The following DMXL2 variants were observed in gnomAD, a reference collection of about 807,000 sequenced individuals.
DMXL2 encodes Dmx like 2.
Under a neutral mutation model 331.1 loss-of-function variants are expected in DMXL2, and 103 were observed. That is an observed-to-expected ratio of 0.31 (90% CI 0.27 to 0.37). The LOEUF (loss-of-function observed/expected upper bound fraction) is 0.37. DMXL2 is among the 10% of genes least tolerant of loss of function. The probability of loss-of-function intolerance (pLI) is 1.00; values close to 1 mark genes in which losing one functional copy is unlikely to be tolerated. For missense variants in DMXL2, 3,171 were observed against 3,642.9 expected (o/e 0.87, Z 3.33); for synonymous variants, 1,281 against 1,252.1 (o/e 1.02, Z -0.49).
At chr15:51,599,092 A>C (rs925237895) in intron 1 of DMXL2, among the ~76,000 whole-genome samples, 7 of 152,200 alleles carry the variant, frequency 4.6e-5, no homozygotes, top group African/African-American at 1.7e-4. Context: ...ATAATCCACT[A>C]TCATTTATTT....
chr15:51,596,939 G>C (rs1427823831), intron 1 of DMXL2, among the ~76,000 whole-genome samples: 1 of 152,102 alleles, frequency 6.6e-6, no homozygotes, highest in South Asian at 2.1e-4. Flanking sequence ...GAGGAGGGGG[G>C]TGGGATAGCA....
intron 22 of DMXL2, among the ~76,000 whole-genome samples, chr15:51,487,455 AATTTTTCTTTTTTT>A (rs879394999): frequency 0.011 from 1,707 of 151,960 alleles, 27 homozygotes; most frequent in East Asian, 0.024. Flanking sequence ...CCATATATGA[AATTTTTCTTTTTTT>A]CTTTTTGAGA....
At chr15:51,514,314 C>A in intron 15 of DMXL2, 128 bp downstream of exon 15, 1 of 582,510 alleles carries the variant, frequency 1.7e-6, no homozygotes, top group Non-Finnish European at 2.9e-6. Context: ...GCAATTTTGA[C>A]AGAACTAACT....
In DMXL2 at chr15:51,542,321, T is replaced by A; in HGVS notation, c.1105+12A>T. 6.2e-7 allele frequency: 1 copy of A among 1,608,512 alleles called. No individual in the cohort carries two copies. Among genetic ancestry groups the A allele is most frequent in the South Asian group, 1.1e-5 (1 of 90,422 alleles). On this transcript the variant is annotated intron_variant, in intron 9 of 43. Coordinates refer to ENST00000560891, the MANE Select transcript of DMXL2 (RefSeq NM_001378457.1). The stretch of plus-strand genomic sequence containing the variant: ...TCAACATATTTATGGGAAATAAAAC[T>A]TTATCCTTTACCTGTGGCAGGGTTG...
In DMXL2 at chr15:51,481,518, G is replaced by A; in HGVS notation, c.5588C>T (p.Ala1863Val). ...CTTCTCAGTTTTGAGACCTAAGGTT[G>A]CCAAAGTTCCTTCAGGGGAGGCAAG... is the stretch of plus-strand genomic sequence containing the variant. ...RNLASPEGTL[A>V]TLGLKTEKNF... Residue 1863 changes from alanine (A) to valine (V), a missense_variant, in exon 24 of 44, where the codon GCA (alanine) becomes GTA (valine). Transcript: ENST00000560891. 2 of 1,613,428 alleles carry A rather than the reference G, an allele frequency of 1.2e-6. No individual in the cohort carries two copies. The highest frequency in any genetic ancestry group is 1.7e-6 in the Non-Finnish European group (2 of 1,179,806).
intron 13 of DMXL2, among the ~76,000 whole-genome samples, chr15:51,525,155 G>A (rs1422594143): frequency 1.3e-5 from 2 of 151,858 alleles, no homozygotes; most frequent in Non-Finnish European, 2.9e-5. Context: ...GGCCAGAAAG[G>A]AATCCACTGC....
intron 1 of DMXL2, among the ~76,000 whole-genome samples, chr15:51,610,717 G>T (rs533320904): frequency 2.6e-5 from 4 of 151,086 alleles, no homozygotes; most frequent in Admixed American, 2.6e-4. Context: ...GCAGTGAGCC[G>T]AGATCGCGCC....
chr15:51,494,921 T>C, intron 19 of DMXL2, 103 bp downstream of exon 19: 7 of 686,450 alleles, frequency 1.0e-5, no homozygotes, highest in Non-Finnish European at 1.8e-5. Flanking sequence ...GTGATAGGTG[T>C]GCACGTAATG....
intron 1 of DMXL2, among the ~76,000 whole-genome samples, chr15:51,620,164 T>G (rs1418481310): frequency 6.6e-6 from 1 of 152,138 alleles, no homozygotes; most frequent in Non-Finnish European, 1.5e-5. Context: ...GCAGCTTGTT[T>G]TTTGTTTTGT....
At chr15:51,501,217 G>A (rs1362517126) in intron 17 of DMXL2, among the ~76,000 whole-genome samples, 2 of 152,110 alleles carry the variant, frequency 1.3e-5, no homozygotes, top group African/African-American at 2.4e-5. Flanking sequence ...CTGTCTTACG[G>A]ATGAATAAGA....
intron 33 of DMXL2, chr15:51,459,915 T>C (rs1336871837): frequency 1.5e-5 from 17 of 1,126,284 alleles, no homozygotes; most frequent in Non-Finnish European, 1.9e-5. Flanking sequence ...AAATTAGTTA[T>C]CTGTATACAG....
rs186815238 is a variant in DMXL2, at chr15:51,453,850, T to G, written c.8605-209A>C. On this transcript the variant is annotated intron_variant, in intron 40 of 43. Coordinates refer to ENST00000560891, the MANE Select transcript of DMXL2 (RefSeq NM_001378457.1). ...CTACTGTCCAATAATTTTTAATAAC[T>G]GGAGTTGGTAAAAACAGAATTAAAG... Among the ~76,000 whole-genome samples, 270 of 152,344 alleles carry G rather than the reference T, an allele frequency of 1.8e-3. 1 individual carries two copies. Among genetic ancestry groups the G allele is most frequent in the South Asian group, 4.1e-3 (20 of 4,832 alleles).
intron 23 of DMXL2, among the ~76,000 whole-genome samples, chr15:51,482,409 C>T (rs1225003669): frequency 6.6e-6 from 1 of 152,046 alleles, no homozygotes; most frequent in African/African-American, 2.4e-5. Context: ...TTATAAGACA[C>T]AAACTTAACA....
intron 1 of DMXL2, among the ~76,000 whole-genome samples, chr15:51,581,598 T>A (rs1217677011): frequency 6.6e-6 from 1 of 152,240 alleles, no homozygotes. Context: ...TTGTCTTAAC[T>A]ACATTATTTT....
intron 4 of DMXL2, 122 bp downstream of exon 4, chr15:51,564,966 T>G (rs533667325): frequency 1.7e-6 from 1 of 589,330 alleles, no homozygotes; most frequent in East Asian, 3.5e-5. Context: ...ATTATATTCA[T>G]CAACAAAAAG....
chr15:51,574,078 C>T (rs1354506194), intron 2 of DMXL2, among the ~76,000 whole-genome samples: 1 of 151,936 alleles, frequency 6.6e-6, no homozygotes, highest in East Asian at 1.9e-4. Flanking sequence ...CCAATTGGGA[C>T]ACCATCTAGA....
intron 1 of DMXL2, among the ~76,000 whole-genome samples, chr15:51,607,555 A>C (rs2053675912): frequency 6.6e-6 from 1 of 152,218 alleles, no homozygotes; most frequent in Admixed American, 6.5e-5. Flanking sequence ...TTGTTTTATA[A>C]GGTCAATCAG....
chr15:51,580,256 T>C (rs528765079), intron 1 of DMXL2, among the ~76,000 whole-genome samples: 3 of 152,314 alleles, frequency 2.0e-5, no homozygotes, highest in Admixed American at 6.5e-5. Flanking sequence ...GAAGAATTTA[T>C]AGTGCAGGAG....
In DMXL2 at chr15:51,499,080, C is replaced by T. The variant is rs200306715; in HGVS notation, c.4144G>A (p.Val1382Ile). 12 of 1,614,012 alleles carry T rather than the reference C, an allele frequency of 7.4e-6. No homozygotes were observed. Among genetic ancestry groups the T allele is most frequent in the Middle Eastern group, 1.6e-4 (1 of 6,062 alleles). ...CCTTCTCCAGCATCAGGATCTCTAA[C>T]TATTGCTACTTCACCTGCAATACAT... ...VKCIAGEVAIVRDPDAGEGTK... is the reference protein window; with the variant it reads ...VKCIAGEVAIIRDPDAGEGTK... The change falls in exon 18 of 44, where the codon GTT becomes ATT. Residue 1382 changes from valine (V) to isoleucine (I), a missense_variant. Physicochemically the swap from Val to Ile is conservative, Grantham distance 29. This residue lies in a region of DMXL2 where 1,674 missense variants were observed against 1,780.2 expected (regional missense o/e 0.94). Coordinates refer to ENST00000560891, the MANE Select transcript of DMXL2 (RefSeq NM_001378457.1).
Sources: gnomAD v4.1 joint callset for allele counts (sites outside exome capture counted in the v4.1 genomes callset) on GRCh38, gnomAD v4.1.1 for gene constraint, gnomAD v4.1.1 regional missense constraint, MANE v1.5 for transcripts, NCBI Gene and HGNC (gene_info 2026-07-23, HGNC 2026-07-21) for gene names.